CDC42BPA: variants seen among roughly 807,000 people sequenced by gnomAD.
The protein encoded by CDC42BPA is CDC42 binding protein kinase alpha.
In CDC42BPA, 80 loss-of-function variants were observed where a neutral mutation model predicts 223.5. The ratio of observed to expected loss-of-function variants is 0.36; its 90% CI spans 0.30 to 0.43. The LOEUF (loss-of-function observed/expected upper bound fraction) is 0.43, where lower values mean the gene tolerates loss of function less well. Among genes scored for constraint, CDC42BPA ranks in the 20% least tolerant of loss-of-function variants. The pLI is 1.00. For missense variants in CDC42BPA, 1,743 were observed against 2,099.9 expected (o/e 0.83, Z 3.32); for synonymous variants, 694 against 718.6 (o/e 0.97, Z 0.55).
At chr1:227,107,714 T>C (rs1231000145) in intron 14 of CDC42BPA, among the ~76,000 whole-genome samples, 3 of 152,194 alleles carry the variant, frequency 2.0e-5, no homozygotes, top group Non-Finnish European at 2.9e-5. Flanking sequence ...AGTGGGGTTG[T>C]GGAGTGCAGG....
At chr1:227,197,024 T>C (rs1353191902) in intron 4 of CDC42BPA, among the ~76,000 whole-genome samples, 1 of 152,188 alleles carries the variant, frequency 6.6e-6, no homozygotes, top group African/African-American at 2.4e-5. Context: ...TTAAATTATG[T>C]GCCTTTTTCT....
At chr1:227,171,311 A>G (rs1356826011) in intron 5 of CDC42BPA, among the ~76,000 whole-genome samples, 1 of 152,260 alleles carries the variant, frequency 6.6e-6, no homozygotes, top group Non-Finnish European at 1.5e-5. Context: ...TTTTAAAATA[A>G]TAGTTTTAAA....
intron 1 of CDC42BPA, among the ~76,000 whole-genome samples, chr1:227,258,885 T>C (rs1037046787): frequency 6.6e-6 from 1 of 151,064 alleles, no homozygotes; most frequent in African/African-American, 2.5e-5. Context: ...TTTATATTCA[T>C]TACAACAATT....
At chr1:227,188,416 A>G (rs946936644) in intron 5 of CDC42BPA, among the ~76,000 whole-genome samples, 44 of 2,476 alleles carry the variant, frequency 0.018, no homozygotes, top group African/African-American at 0.16. Flanking sequence ...GAGAGAGGGA[A>G]AAAAAAAAAG....
At chr1:227,186,382 GC>G (rs1190257143) in intron 5 of CDC42BPA, among the ~76,000 whole-genome samples, 1 of 152,124 alleles carries the variant, frequency 6.6e-6, no homozygotes, top group African/African-American at 2.4e-5. Context: ...TTTTAACAGA[GC>G]CTAATCTGTT....
chr1:227,112,645 A>G, intron 13 of CDC42BPA, 26 bp downstream of exon 13: 1 of 1,609,394 alleles, frequency 6.2e-7, no homozygotes, highest in Non-Finnish European at 8.5e-7. Context: ...TCCCATGGGC[A>G]CTACAAAATT....
intron 5 of CDC42BPA, among the ~76,000 whole-genome samples, chr1:227,174,586 C>T (rs1240896828): frequency 6.6e-6 from 1 of 152,086 alleles, no homozygotes; most frequent in African/African-American, 2.4e-5. Flanking sequence ...TATATCGGTA[C>T]ACTTTACTCA....
intron 3 of CDC42BPA, among the ~76,000 whole-genome samples, chr1:227,202,224 C>T (rs7544923): frequency 0.15 from 22,902 of 152,148 alleles, 2,097 homozygotes; most frequent in African/African-American, 0.24. Context: ...CCTCGTGATC[C>T]GCCCACCTTG....
intron 1 of CDC42BPA, among the ~76,000 whole-genome samples, chr1:227,303,727 T>C (rs1357979257): frequency 6.6e-6 from 1 of 152,220 alleles, no homozygotes; most frequent in Non-Finnish European, 1.5e-5. Flanking sequence ...TCCTAAGTCA[T>C]TACCACTCAT....
At chr1:227,118,774 A>AT (rs1688169970) in intron 12 of CDC42BPA, among the ~76,000 whole-genome samples, 1 of 152,086 alleles carries the variant, frequency 6.6e-6, no homozygotes, top group Non-Finnish European at 1.5e-5. Context: ...TATTACTATA[A>AT]TATTATTAAA....
At chr1:227,120,207 T>G (rs1007402292) in intron 11 of CDC42BPA, among the ~76,000 whole-genome samples, 1 of 150,464 alleles carries the variant, frequency 6.6e-6, no homozygotes, top group Non-Finnish European at 1.5e-5. Flanking sequence ...AAACAGCACC[T>G]TCGGAAAAAT....
chr1:227,221,597 AT>A (rs1231604376), intron 2 of CDC42BPA, among the ~76,000 whole-genome samples: 2 of 142,354 alleles, frequency 1.4e-5, no homozygotes, highest in Non-Finnish European at 3.1e-5. Context: ...CAGAAAAATA[AT>A]AGGCTTTTTT....
At chr1:227,158,215 C>G (rs1208301218) in intron 6 of CDC42BPA, among the ~76,000 whole-genome samples, 4 of 152,162 alleles carry the variant, frequency 2.6e-5, no homozygotes, top group African/African-American at 9.7e-5. Flanking sequence ...CCTCTTTGGC[C>G]TCCCAAAGTG....
Position 227,168,495 on chromosome 1 carries a change from G to GTGTTTTTTTTTTTTGTTTTT in CDC42BPA, c.600-7860_600-7859insAAAAACAAAAAAAAAAAACA, listed in dbSNP as rs1558662704. On this transcript the variant is annotated intron_variant, in intron 5 of 36. Coordinates refer to ENST00000366766, the MANE Select transcript of CDC42BPA (RefSeq NM_001394014.1). ...GCCTTTTTCATATTTATCTTCCCTG[G>GTGTTTTTTTTTTTTGTTTTT]TGTTTTTTTTTTTTTTTTGAGGCAG... Among the ~76,000 whole-genome samples, 23 of 15,752 alleles carry GTGTTTTTTTTTTTTGTTTTT rather than the reference G, an allele frequency of 1.5e-3. 1 individual carries two copies. Among genetic ancestry groups the GTGTTTTTTTTTTTTGTTTTT allele is most frequent in the African/African-American group, 7.2e-3 (21 of 2,914 alleles). 10.3% of individuals were successfully genotyped at this position (15,752 alleles called of 152,430 possible).
rs1400439221 is a variant in CDC42BPA, at chr1:226,992,024, AGGAGGGTGGGGAGAGT to A, written c.*2228_*2243del. 2.4e-3 allele frequency: 24 copies of A among 10,198 alleles called. 1 individual carries two copies. Among genetic ancestry groups the A allele is most frequent in the African/African-American group, 9.9e-3 (24 of 2,416 alleles). 0.6% of individuals were successfully genotyped at this position (10,198 alleles called of 1,614,324 possible). Reference sequence around the variant, plus strand: ...AGAGGAGGGGAGGGTGGGGAGAGTGAGGAGGGTGGGGAGAGTGAGGAGGGTGGGGAGAGTGGGGAGG... The same window carrying A: ...AGAGGAGGGGAGGGTGGGGAGAGTGAGAGGAGGGTGGGGAGAGTGGGGAGG... On this transcript the variant is annotated 3_prime_UTR_variant, in exon 37 of 37. Transcript: ENST00000366766.
At chr1:227,192,871 A>G (rs1190231163) in intron 5 of CDC42BPA, among the ~76,000 whole-genome samples, 2 of 152,158 alleles carry the variant, frequency 1.3e-5, no homozygotes, top group African/African-American at 4.8e-5. Flanking sequence ...CATAAAATAT[A>G]TAATACAGGA....
chr1:227,204,939 A>AG, intron 3 of CDC42BPA, among the ~76,000 whole-genome samples: 1 of 117,884 alleles, frequency 8.5e-6, no homozygotes, highest in South Asian at 3.4e-4. Flanking sequence ...CCATAAACTT[A>AG]AAAAAAAAAT....
intron 1 of CDC42BPA, among the ~76,000 whole-genome samples, chr1:227,258,743 C>A (rs959913145): frequency 6.6e-6 from 1 of 150,850 alleles, no homozygotes; most frequent in Non-Finnish European, 1.5e-5. Context: ...GAAAAAAGTT[C>A]ATTAGCAATA....
At chr1:227,192,061 A>G (rs918822435) in intron 5 of CDC42BPA, among the ~76,000 whole-genome samples, 2 of 152,206 alleles carry the variant, frequency 1.3e-5, no homozygotes, top group African/African-American at 4.8e-5. Flanking sequence ...CACAGAGAAA[A>G]GCACACGAAT....
Sources: allele counts gnomAD v4.1 joint callset (sites outside exome capture counted in the v4.1 genomes callset), GRCh38; gene constraint gnomAD v4.1.1; transcripts MANE v1.5; gene names NCBI Gene and HGNC (gene_info 2026-07-23, HGNC 2026-07-21).